The following MIAT variants were observed in gnomAD, a reference collection of about 807,000 sequenced individuals.
MIAT encodes the protein myocardial infarction associated transcript, also known as MI related novel mRNA.
intron 2 of MIAT, among the ~76,000 whole-genome samples, chr22:26,654,798 G>T (rs1001350870): frequency 9.9e-5 from 15 of 151,958 alleles, no homozygotes; most frequent in African/African-American, 3.4e-4. Flanking sequence ...TGCAAGCTCC[G>T]CCTCCTGGGT....
At chr22:26,655,542 T>G (rs1226215020) in intron 2 of MIAT, among the ~76,000 whole-genome samples, 1 of 152,232 alleles carries the variant, frequency 6.6e-6, no homozygotes, top group African/African-American at 2.4e-5. Context: ...CTAATCACAC[T>G]TCCTTCATTT....
chr22:26,672,192 G>A (rs1931073428), downstream of MIAT: 1 of 399,530 alleles, frequency 2.5e-6, no homozygotes, highest in Non-Finnish European at 4.4e-6. Flanking sequence ...TACTAACCCA[G>A]CCCCTACTAA....
intron 5 of MIAT, chr22:26,667,885 G>A: frequency 3.7e-6 from 1 of 267,340 alleles, no homozygotes; most frequent in Non-Finnish European, 6.9e-6. Flanking sequence ...TGCCCAGGCT[G>A]GTCTCGAACT....
exon 6 of MIAT, chr22:26,668,339 T>TAGGA: frequency 2.5e-6 from 1 of 398,676 alleles, no homozygotes; most frequent in Non-Finnish European, 4.4e-6. Context: ...CTCCCATGGA[T>TAGGA]AGGAACTCTT....
chr22:26,666,037 A>G lies in MIAT; in HGVS notation n.1236A>G, dbSNP rs1458505436. The G allele has an allele frequency of 1.0e-5, 4 of 398,496 alleles. No homozygotes were observed. The Admixed American group carries it at 1.8e-4, about 18-fold the overall frequency. The allele number at this position is 398,496 out of a possible 1,614,324, so 24.7% of individuals were successfully genotyped here. A position where few individuals can be genotyped will look rare whatever the true frequency, so the allele number is the denominator to read the frequency against. ...TCCTTGGCCTTAGAGTTAAGTGAAG[A>G]GTTAACACTGTGACTTTAGATGCAT... On this transcript the variant is annotated non_coding_transcript_exon_variant, in exon 4 of 6. Transcript: ENST00000643270.
chr22:26,674,785 A>G (rs564792294), exon 5 of MIAT: 6 of 398,654 alleles, frequency 1.5e-5, no homozygotes, highest in Middle Eastern at 6.3e-4. Flanking sequence ...GGAAGCTCAC[A>G]CCTCCTATTC....
chr22:26,676,157 G>A (rs1433384628), exon 5 of MIAT: 2 of 395,416 alleles, frequency 5.1e-6, no homozygotes, highest in African/African-American at 2.1e-5. Flanking sequence ...TGAGGGCTGT[G>A]CTGGTGTAAA....
chr22:26,656,327 C>CTT (rs201892323), intron 2 of MIAT, among the ~76,000 whole-genome samples: 1 of 134,878 alleles, frequency 7.4e-6, no homozygotes, highest in African/African-American at 2.7e-5. Context: ...TTTTCTTTTT[C>CTT]TTTTTTTTTT....
chr22:26,648,215 G>T (rs558755969), intron 2 of MIAT, among the ~76,000 whole-genome samples: 2 of 152,278 alleles, frequency 1.3e-5, no homozygotes, highest in Non-Finnish European at 2.9e-5. Flanking sequence ...GCGACTGGGA[G>T]GGCCCGGGAG....
At chr22:26,655,432 T>A (rs1295764126) in intron 2 of MIAT, among the ~76,000 whole-genome samples, 1 of 152,202 alleles carries the variant, frequency 6.6e-6, no homozygotes, top group Non-Finnish European at 1.5e-5. Flanking sequence ...ATGTGAGCGA[T>A]GAAGATGATA....
chr22:26,646,763 C>G, exon 1 of MIAT: 1 of 398,660 alleles, frequency 2.5e-6, no homozygotes, highest in Admixed American at 4.4e-5. Context: ...TTGCCCCAAA[C>G]TGTCTTAGTG....
intron 2 of MIAT, among the ~76,000 whole-genome samples, chr22:26,659,962 A>C (rs1450038825): frequency 2.0e-5 from 3 of 150,698 alleles, no homozygotes; most frequent in Non-Finnish European, 4.4e-5. Flanking sequence ...CAGCCTCCCA[A>C]GTAGCTGGGA....
chr22:26,659,840 C>CTTTCTTTCTTTT (rs1249099894), intron 2 of MIAT, among the ~76,000 whole-genome samples: 1 of 94,968 alleles, frequency 1.1e-5, no homozygotes, highest in Non-Finnish European at 2.0e-5. Flanking sequence ...TTCTTTCTTT[C>CTTTCTTTCTTTT]TTTTTTTTTT....
chr22:26,671,843 A>AT (rs1231042897), downstream of MIAT: 26 of 397,912 alleles, frequency 6.5e-5, no homozygotes, highest in Non-Finnish European at 4.4e-6. Flanking sequence ...AAAAAAAAAA[A>AT]GTATGAGGAT....
downstream of MIAT, chr22:26,672,990 AAGT>A (rs2146021250): frequency 2.5e-6 from 1 of 398,544 alleles, no homozygotes; most frequent in East Asian, 3.6e-5. Flanking sequence ...CCCCCACCGT[AAGT>A]AGACGTGGGG....
At chr22:26,672,778 A>G (rs1477931371), downstream of MIAT, 1 of 398,710 alleles carries the variant, frequency 2.5e-6, no homozygotes, top group Non-Finnish European at 4.4e-6. Context: ...ACCGGAAGTC[A>G]ATGAAGCGGG....
exon 6 of MIAT, chr22:26,669,559 G>A (rs534301918): frequency 2.5e-6 from 1 of 398,564 alleles, no homozygotes. Context: ...ACCCCTTAAA[G>A]GTCCCATCTC....
intron 2 of MIAT, among the ~76,000 whole-genome samples, chr22:26,649,805 C>T (rs771173970): frequency 2.0e-5 from 3 of 152,122 alleles, no homozygotes; most frequent in South Asian, 2.1e-4. Context: ...CCCAGCTACT[C>T]GGGAGGCTGA....
chr22:26,666,036 G>A (rs2146013080), exon 4 of MIAT: 1 of 398,608 alleles, frequency 2.5e-6, no homozygotes. Context: ...GTTAAGTGAA[G>A]AGTTAACACT....
Sources: allele counts gnomAD v4.1 joint callset (sites outside exome capture counted in the v4.1 genomes callset), GRCh38; gene constraint gnomAD v4.1.1; transcripts MANE v1.5; gene names NCBI Gene and HGNC (gene_info 2026-07-23, HGNC 2026-07-21).